Variants in SLC25A26 observed in about 807,000 individuals in gnomAD.
SLC25A26 encodes the protein solute carrier family 25 member 26.
In SLC25A26, 36 loss-of-function variants were observed where a neutral mutation model predicts 37.8. The observed-to-expected ratio is 0.95, with a 90% CI of 0.73 to 1.26. The LOEUF is 1.26. Ranked by LOEUF, SLC25A26 falls within the 50% of genes most tolerant of loss-of-function variation. SLC25A26 has a pLI of 0.00. For synonymous variants in SLC25A26, 129 were observed against 122.5 expected, an observed-to-expected ratio of 1.05 and a Z score of -0.35; for missense variants, 390 against 331.1, an observed-to-expected ratio of 1.18 and a Z score of -1.38.
chr3:66,349,672 G>T (rs563062362), intron 6 of SLC25A26, among the ~76,000 whole-genome samples: 16 of 152,276 alleles, frequency 1.1e-4, no homozygotes, highest in African/African-American at 3.9e-4. Flanking sequence ...TTTGCATATA[G>T]TATTGGTATG....
intron 1 of SLC25A26, among the ~76,000 whole-genome samples, chr3:66,225,756 A>G (rs2071716295): frequency 6.6e-6 from 1 of 152,134 alleles, no homozygotes; most frequent in African/African-American, 2.4e-5. Flanking sequence ...CTTCTGTCGG[A>G]TACTGTAAAT....
chr3:66,275,403 T>C (rs76312425), intron 5 of SLC25A26, among the ~76,000 whole-genome samples: 1,643 of 151,156 alleles, frequency 0.011, 13 homozygotes, highest in Non-Finnish European at 0.017. Context: ...AGTATAATAA[T>C]AGTAAAAAAA....
chr3:66,282,587 A>G (rs1334703062), intron 5 of SLC25A26, among the ~76,000 whole-genome samples: 3 of 152,206 alleles, frequency 2.0e-5, no homozygotes, highest in African/African-American at 2.4e-5. Flanking sequence ...TTTAGAAACT[A>G]TAGGTGTATC....
In SLC25A26 at chr3:66,370,015, A is replaced by G. The variant is rs1374628522; in HGVS notation, c.633+473A>G. Among the ~76,000 whole-genome samples, 4 of 152,248 alleles carry G rather than the reference A, an allele frequency of 2.6e-5. No homozygotes were observed. In the East Asian group the frequency reaches 5.8e-4, roughly 22 times the overall value. On this transcript the variant is annotated intron_variant, in intron 8 of 9. Coordinates refer to ENST00000354883, the MANE Select transcript of SLC25A26 (RefSeq NM_001379210.1). Reference sequence around the variant, plus strand: ...GTTGAAAGAATGCCATACGTATAACATACCTGAACTGAACCAAAACAAAAA... The same window carrying G: ...GTTGAAAGAATGCCATACGTATAACGTACCTGAACTGAACCAAAACAAAAA...
At chr3:66,226,101 T>G (rs535033452) in intron 1 of SLC25A26, among the ~76,000 whole-genome samples, 1 of 152,322 alleles carries the variant, frequency 6.6e-6, no homozygotes, top group South Asian at 2.1e-4. Flanking sequence ...ACCAATTTCC[T>G]GTATTAGTCT....
chr3:66,318,858 C>T (rs181100124), intron 5 of SLC25A26, among the ~76,000 whole-genome samples: 2 of 152,114 alleles, frequency 1.3e-5, no homozygotes, highest in Non-Finnish European at 1.5e-5. Flanking sequence ...CTTTGTTGCC[C>T]AGGCTGGTGT....
At chr3:66,322,329 A>G (rs2075717515) in intron 5 of SLC25A26, among the ~76,000 whole-genome samples, 4 of 152,232 alleles carry the variant, frequency 2.6e-5, no homozygotes, top group Non-Finnish European at 4.4e-5. Context: ...TAAAGATATT[A>G]AAGTTTTGGC....
At chr3:66,270,655 G>A (rs114804865) in intron 5 of SLC25A26, among the ~76,000 whole-genome samples, 1,646 of 152,190 alleles carry the variant, frequency 0.011, 13 homozygotes, top group Non-Finnish European at 0.018. Context: ...TAACTTTACC[G>A]TAGAGATGTT....
intron 3 of SLC25A26, among the ~76,000 whole-genome samples, chr3:66,261,441 G>A (rs73833433): frequency 0.054 from 8,278 of 152,092 alleles, 263 homozygotes; most frequent in African/African-American, 0.066. Context: ...ACATATACCC[G>A]GCCTCAGCAT....
At chr3:66,300,311 TGA>T (rs1311466787) in intron 5 of SLC25A26, among the ~76,000 whole-genome samples, 1 of 151,078 alleles carries the variant, frequency 6.6e-6, no homozygotes, top group African/African-American at 2.4e-5. Flanking sequence ...CAATATTACT[TGA>T]AGTGAGCAGG....
At chr3:66,162,556 A>C (rs984979641) in intron 1 of SLC25A26, among the ~76,000 whole-genome samples, 5 of 152,304 alleles carry the variant, frequency 3.3e-5, no homozygotes, top group Middle Eastern at 6.8e-3. Flanking sequence ...GTGATGTAGA[A>C]AGCAAGAAGA....
At chr3:66,294,147 C>T (rs1360302766) in intron 5 of SLC25A26, among the ~76,000 whole-genome samples, 1 of 152,122 alleles carries the variant, frequency 6.6e-6, no homozygotes, top group Non-Finnish European at 1.5e-5. Flanking sequence ...TTGATTCTTC[C>T]TACTCATAAG....
chr3:66,340,425 A>C (rs1343922730), intron 5 of SLC25A26, among the ~76,000 whole-genome samples: 1 of 152,058 alleles, frequency 6.6e-6, no homozygotes, highest in Non-Finnish European at 1.5e-5. Context: ...ATGTAAATTA[A>C]TTTTTCTAAA....
intron 1 of SLC25A26, among the ~76,000 whole-genome samples, chr3:66,226,059 A>G (rs1218330826): frequency 6.6e-6 from 1 of 152,148 alleles, no homozygotes; most frequent in Non-Finnish European, 1.5e-5. Context: ...CCACATTTTC[A>G]GGTATCTTTA....
At chr3:66,149,432 T>C (rs768999041) in intron 1 of SLC25A26, among the ~76,000 whole-genome samples, 4 of 152,234 alleles carry the variant, frequency 2.6e-5, no homozygotes, top group Admixed American at 6.5e-5. Context: ...ATCTGTTTTA[T>C]GTGCCAACAA....
intron 6 of SLC25A26, among the ~76,000 whole-genome samples, chr3:66,353,630 T>C (rs1394693715): frequency 6.6e-6 from 1 of 152,240 alleles, no homozygotes; most frequent in Non-Finnish European, 1.5e-5. Context: ...GTAAATTGCA[T>C]TGATTCCTTA....
chr3:66,343,909 G>T (rs570934586), intron 5 of SLC25A26, among the ~76,000 whole-genome samples: 3 of 152,180 alleles, frequency 2.0e-5, no homozygotes, highest in Non-Finnish European at 2.9e-5. Flanking sequence ...GATAATGTCA[G>T]ATGCTTTTAT....
At chr3:66,190,650 A>G (rs1252760433) in intron 1 of SLC25A26, among the ~76,000 whole-genome samples, 1 of 152,078 alleles carries the variant, frequency 6.6e-6, no homozygotes, top group African/African-American at 2.4e-5. Context: ...GCTGGTCTCA[A>G]ACTCCTGGCC....
intron 5 of SLC25A26, among the ~76,000 whole-genome samples, chr3:66,295,406 T>TA (rs1412380199): frequency 5.5e-5 from 5 of 91,396 alleles, no homozygotes; most frequent in South Asian, 3.0e-4. Context: ...TGTATTTTTG[T>TA]TTTTTTTTTT....
Sources: allele counts gnomAD v4.1 joint callset (sites outside exome capture counted in the v4.1 genomes callset), GRCh38; gene constraint gnomAD v4.1.1; transcripts MANE v1.5; gene names NCBI Gene and HGNC (gene_info 2026-07-23, HGNC 2026-07-21).